The following MIDEAS variants were observed in gnomAD, a reference collection of about 807,000 sequenced individuals.
The protein encoded by MIDEAS is mitotic deacetylase associated SANT domain protein, also known as mitotic deacetylase-associated SANT domain protein.
A neutral mutation model predicts 102.7 loss-of-function variants in MIDEAS; 26 were observed. The ratio of observed to expected loss-of-function variants is 0.25; its 90% CI spans 0.19 to 0.35. The LOEUF is 0.35. Ranked by LOEUF, MIDEAS falls within the 10% of genes least tolerant of loss-of-function variation. The pLI is 1.00. For synonymous variants in MIDEAS, 585 were observed against 591.0 expected (o/e 0.99, Z 0.15); for missense variants, 1,231 against 1,435.6 (o/e 0.86, Z 2.30).
chr14:73,744,338 T>A (rs1232438811), intron 1 of MIDEAS, among the ~76,000 whole-genome samples: 1 of 152,162 alleles, frequency 6.6e-6, no homozygotes, highest in Non-Finnish European at 1.5e-5. Context: ...CTTGGGGCAA[T>A]CAGTGTGTCC....
At chr14:73,782,894 GAGGC>G (rs1414073106) in intron 1 of MIDEAS, among the ~76,000 whole-genome samples, 35 of 152,236 alleles carry the variant, frequency 2.3e-4, no homozygotes, top group Admixed American at 2.3e-3. Context: ...ACAGGCAGAG[GAGGC>G]AGGCTTGGCT....
Position 73,738,536 on chromosome 14 carries a change from G to A in MIDEAS, c.1449+24C>T. 3.3e-6 allele frequency: 5 copies of A among 1,507,762 alleles called. No homozygotes were observed. In the Admixed American group the frequency reaches 6.3e-5, roughly 19 times the overall value. The allele number at this position is 1,507,762 out of a possible 1,614,324, so 93.4% of individuals were successfully genotyped here. Reference sequence around the variant, plus strand: ...CAGCCTGATGCCCTCTGCCAGGTGTGGCTCCACTGCATGCCACTCTCACCT... The same window carrying A: ...CAGCCTGATGCCCTCTGCCAGGTGTAGCTCCACTGCATGCCACTCTCACCT... On this transcript the variant is annotated intron_variant, in intron 2 of 12. Transcript: ENST00000423556.
intron 11 of MIDEAS, among the ~76,000 whole-genome samples, chr14:73,720,870 A>G (rs2052979965): frequency 6.6e-6 from 1 of 152,162 alleles, no homozygotes; most frequent in African/African-American, 2.4e-5. Flanking sequence ...TGTCATTCCC[A>G]TGGTCTCAGC....
upstream of MIDEAS, among the ~76,000 whole-genome samples, chr14:73,761,647 T>C (rs1482046221): frequency 6.6e-6 from 1 of 152,040 alleles, no homozygotes; most frequent in African/African-American, 2.4e-5. Flanking sequence ...TTACAGTAAG[T>C]GAATAGAGGA....
chr14:73,752,434 C>T (rs1418166497), intron 1 of MIDEAS, among the ~76,000 whole-genome samples: 2 of 152,206 alleles, frequency 1.3e-5, no homozygotes, highest in Non-Finnish European at 2.9e-5. Flanking sequence ...CCCAGGCTCT[C>T]CTGACTGGTC....
chr14:73,738,718 C>T lies in MIDEAS; in HGVS notation c.1291G>A (p.Glu431Lys), dbSNP rs775742270. Residue 431 changes from glutamate to lysine, a missense_variant, in exon 2 of 13, where the codon GAG becomes AAG. Transcript: ENST00000423556. ...REREAPAMGS[E>K]EGMRAVSTGD... ...GTGCTCACTGCCCTCATGCCCTCCTCGCTGCCCATGGCAGGAGCCTCTCGC... is the reference window on the plus strand; with the variant it reads ...GTGCTCACTGCCCTCATGCCCTCCTTGCTGCCCATGGCAGGAGCCTCTCGC... The T allele has an allele frequency of 1.2e-5, 20 of 1,613,398 alleles. No individual in the cohort carries two copies. Among genetic ancestry groups the T allele is most frequent in the South Asian group, 2.2e-5 (2 of 91,018 alleles).
Position 73,719,325 on chromosome 14 carries a change from G to T in MIDEAS, c.3114C>A (p.Phe1038Leu). 6.2e-7 allele frequency: 1 copy of T among 1,613,710 alleles called. No individual in the cohort carries two copies. The highest frequency in any genetic ancestry group is 8.5e-7 in the Non-Finnish European group (1 of 1,179,914). Residue 1038 changes from phenylalanine (F) to leucine (L), a missense_variant, in exon 12 of 13, where the codon TTC becomes TTA. Phe to Leu is a conservative substitution (Grantham distance 22). This residue lies in a region of MIDEAS where 391 missense variants were observed against 483.0 expected (regional missense o/e 0.81). Transcript: ENST00000423556. The stretch of plus-strand genomic sequence containing the variant: ...CTTACCTGCCACATTTTTTACAGGG[G>T]AAAGTGTTCTCCTGATTCTGGGTCT... ...FSKTQNQENTFPCKKCGRVFY... is the reference protein window; with the variant it reads ...FSKTQNQENTLPCKKCGRVFY...
rs553045578 is a variant in MIDEAS at position 73,717,699 on chromosome 14, T to G, written c.*1144A>C. ...CCTCTGAAAAGCAGGAGGCCCCTGG[T>G]CCCTGAGAGGATGTTAAAAATTAAA... On this transcript the variant is annotated 3_prime_UTR_variant, in exon 13 of 13. Coordinates refer to ENST00000423556, the MANE Select transcript of MIDEAS (RefSeq NM_001367710.1). The G allele has an allele frequency of 6.5e-6, 1 of 152,736 alleles. No homozygotes were observed. Among genetic ancestry groups the G allele is most frequent in the South Asian group, 2.1e-4 (1 of 4,822 alleles). 9.5% of individuals were successfully genotyped at this position (152,736 alleles called of 1,614,324 possible).
intron 1 of MIDEAS, among the ~76,000 whole-genome samples, chr14:73,783,951 G>A (rs954921788): frequency 2.0e-5 from 3 of 152,182 alleles, no homozygotes; most frequent in Non-Finnish European, 4.4e-5. Context: ...GGGGCAGCTA[G>A]GAAGGGGCAG....
intron 1 of MIDEAS, among the ~76,000 whole-genome samples, chr14:73,782,982 T>C (rs1271934486): frequency 1.3e-5 from 2 of 152,210 alleles, no homozygotes; most frequent in African/African-American, 4.8e-5. Context: ...CGAAATCTGA[T>C]GGCCACTGCT....
intron 2 of MIDEAS, 52 bp from the exon 3 acceptor site, chr14:73,737,349 C>G (rs766905485): frequency 7.1e-6 from 11 of 1,544,702 alleles, no homozygotes; most frequent in Non-Finnish European, 7.9e-6. Context: ...CATAGCCAGG[C>G]GCAGTGGCTC....
At position 73,725,246 on chromosome 14, in the gene MIDEAS, T is replaced by C; in HGVS notation, c.2574+26A>G. ...CACACAGGCAGCTCCTGGCCCTCAT[T>C]TGCCCTGAAACAGAGCCCAGCTCAC... On this transcript the variant is annotated intron_variant, in intron 9 of 12. Transcript: ENST00000423556. This position sits in a 1 kb window ranked among gnomAD's most constrained non-coding sequence, Gnocchi z 4.1. The C allele has an allele frequency of 6.2e-7, 1 of 1,602,882 alleles. No individual in the cohort carries two copies.
Position 73,715,458 on chromosome 14 carries a change from A to G in MIDEAS, c.*3385T>C, listed in dbSNP as rs556047919. ...TTATATGCTATTAAAATATCTGTACAATAATTACAGACTGTCAAGGCTGTT... is the reference window on the plus strand; with the variant it reads ...TTATATGCTATTAAAATATCTGTACGATAATTACAGACTGTCAAGGCTGTT... On this transcript the variant is annotated 3_prime_UTR_variant, in exon 13 of 13. Coordinates refer to ENST00000423556, the MANE Select transcript of MIDEAS (RefSeq NM_001367710.1). The G allele has an allele frequency of 6.5e-6, 1 of 152,742 alleles. No homozygotes were observed. The highest frequency in any genetic ancestry group is 2.4e-5 in the African/African-American group (1 of 41,598). 9.5% of individuals were successfully genotyped at this position (152,742 alleles called of 1,614,324 possible). A position where few individuals can be genotyped will look rare whatever the true frequency, so the allele number is the denominator to read the frequency against.
At chr14:73,783,245 C>G (rs74062535) in intron 1 of MIDEAS, among the ~76,000 whole-genome samples, 11,793 of 152,076 alleles carry the variant, frequency 0.078, 1,194 homozygotes, top group African/African-American at 0.23. Context: ...TTGCTGGAGT[C>G]CCGGGGGAGG....
In MIDEAS at chr14:73,718,604, C is replaced by G; in HGVS notation, c.*239G>C. 2.7e-6 allele frequency: 1 copy of G among 372,298 alleles called. No homozygotes were observed. Among genetic ancestry groups the G allele is most frequent in the Admixed American group, 4.7e-5 (1 of 21,406 alleles). The allele number at this position is 372,298 out of a possible 1,614,324, so 23.1% of individuals were successfully genotyped here. On this transcript the variant is annotated 3_prime_UTR_variant, in exon 13 of 13. Transcript: ENST00000423556. ...CCGGGACTCTCCCGGTCCAGGAAAGCACGAGGACAGCTTCCGACAGACCAA... is the reference window on the plus strand; with the variant it reads ...CCGGGACTCTCCCGGTCCAGGAAAGGACGAGGACAGCTTCCGACAGACCAA...
rs1278294978 is a variant in MIDEAS at position 73,718,832 on chromosome 14, G to A, written c.*11C>T. On this transcript the variant is annotated 3_prime_UTR_variant, in exon 13 of 13. Transcript: ENST00000423556. Reference sequence around the variant, plus strand: ...CCGAGGCCCAGGACTGGGCCAGCCTGGCTCCCGCGCTCAGCCCTTGTCGCC... The same window carrying A: ...CCGAGGCCCAGGACTGGGCCAGCCTAGCTCCCGCGCTCAGCCCTTGTCGCC... 7.0e-7 allele frequency: 1 copy of A among 1,430,826 alleles called. No individual in the cohort carries two copies. The highest frequency in any genetic ancestry group is 1.5e-5 in the South Asian group (1 of 67,984). 88.6% of individuals were successfully genotyped at this position (1,430,826 alleles called of 1,614,324 possible). A position where few individuals can be genotyped will look rare whatever the true frequency, so the allele number is the denominator to read the frequency against.
intron 3 of MIDEAS, 128 bp from the exon 4 acceptor site, chr14:73,730,113 GA>G: frequency 2.0e-6 from 2 of 977,680 alleles, no homozygotes; most frequent in Non-Finnish European, 3.2e-6. Context: ...AGGCAAGCCT[GA>G]AAAAAGGAGC....
At position 73,726,070 on chromosome 14, in the gene MIDEAS, C is replaced by T; in HGVS notation, c.2448G>A (p.Arg816=). ...LNKLLLKKPL[R]PHNHPLATYH... is the part of the protein sequence containing the mutation. ...AAGTTGCCAGCGGATGGTTGTGGGG[C>T]CGCAGGGGCTTCTTCAGCAGCAGCT... Residue 816 remains arginine (R), a synonymous_variant, in exon 8 of 13, where the codon CGG becomes CGA. Coordinates refer to ENST00000423556, the MANE Select transcript of MIDEAS (RefSeq NM_001367710.1). 1.3e-6 allele frequency: 2 copies of T among 1,598,918 alleles called. No individual in the cohort carries two copies. The highest frequency in any genetic ancestry group is 1.7e-6 in the Non-Finnish European group (2 of 1,173,732).
intron 3 of MIDEAS, among the ~76,000 whole-genome samples, chr14:73,732,207 C>T (rs17182523): frequency 0.019 from 2,821 of 152,314 alleles, 52 homozygotes; most frequent in Non-Finnish European, 0.024. Flanking sequence ...GAGACTGTGA[C>T]GCTCCCCTGC....
Sources: gnomAD v4.1 joint callset for allele counts (sites outside exome capture counted in the v4.1 genomes callset) on GRCh38, gnomAD v4.1.1 for gene constraint, gnomAD v4.1.1 regional missense constraint, Gnocchi (gnomAD v3.1) non-coding constraint, MANE v1.5 for transcripts, NCBI Gene and HGNC (gene_info 2026-07-23, HGNC 2026-07-21) for gene names.